NRAP: variants seen among roughly 807,000 people sequenced by gnomAD.
The protein encoded by NRAP is nebulin related anchoring protein.
A neutral mutation model predicts 225.9 loss-of-function variants in NRAP; 189 were observed. The ratio of observed to expected loss-of-function variants is 0.84; its 90% CI spans 0.74 to 0.94. The LOEUF is 0.94. NRAP is among the 40% of genes least tolerant of loss of function. The pLI is 0.00. For missense variants in NRAP, 2,176 were observed against 2,168.7 expected (o/e 1.00, Z -0.07); for synonymous variants, 769 against 790.7 (o/e 0.97, Z 0.46).
At chr10:113,647,268 T>G (rs1395839771) in intron 9 of NRAP, among the ~76,000 whole-genome samples, 1 of 152,116 alleles carries the variant, frequency 6.6e-6, no homozygotes, top group East Asian at 1.9e-4. Context: ...ATGATCATCA[T>G]CCTTATTTCC....
chr10:113,590,046 T>C (rs1845864938), intron 40 of NRAP, among the ~76,000 whole-genome samples: 1 of 152,110 alleles, frequency 6.6e-6, no homozygotes, highest in African/African-American at 2.4e-5. Context: ...AAAGTTACAG[T>C]TGGGAGTGGG....
chr10:113,653,619 G>C (rs1423933606), intron 5 of NRAP, among the ~76,000 whole-genome samples: 2 of 152,196 alleles, frequency 1.3e-5, no homozygotes, highest in Non-Finnish European at 2.9e-5. Flanking sequence ...AGCGTAACCT[G>C]TGCAAATGAT....
chr10:113,663,480 C>T (rs1469704863), intron 1 of NRAP, 34 bp from the exon 2 acceptor site: 1 of 1,271,788 alleles, frequency 7.9e-7, no homozygotes, highest in Admixed American at 1.7e-5. Context: ...TAGCAATTAC[C>T]CTTTTCCCCC....
At chr10:113,615,926 G>A in intron 26 of NRAP, 110 bp from the exon 27 acceptor site, 1 of 704,470 alleles carries the variant, frequency 1.4e-6, no homozygotes, top group Non-Finnish European at 2.6e-6. Flanking sequence ...TCCTCATAGA[G>A]ACATGATTTC....
chr10:113,590,542 G>C, intron 40 of NRAP, 36 bp downstream of exon 40: 1 of 1,583,982 alleles, frequency 6.3e-7, no homozygotes, highest in South Asian at 1.1e-5. Flanking sequence ...AGGCACCAGG[G>C]GAAGGGCCTC....
Position 113,640,219 on chromosome 10 carries a change from G to C in NRAP, c.1428+8C>G, listed in dbSNP as rs772269252. 3 of 1,538,426 alleles carry C rather than the reference G, an allele frequency of 2.0e-6. No individual in the cohort carries two copies. Among genetic ancestry groups the C allele is most frequent in the Admixed American group, 1.8e-5 (1 of 55,860 alleles). On this transcript the variant is annotated splice_region_variant and intron_variant, in intron 14 of 41. Transcript: ENST00000359988. ...CAAAGCAGAAAGAGCTGTTGGAAAA[G>C]AACTTACATCTTTCAAGGGCACCAG...
At position 113,662,683 on chromosome 10, in the gene NRAP, C is replaced by A. The variant is rs145242709; in HGVS notation, c.251G>T (p.Ser84Ile). Reference protein sequence around the residue: ...LNVRTFPEAISGIHDQEDGEQ... With the variant: ...LNVRTFPEAIIGIHDQEDGEQ... ...ACTGAAAATTAAATAACTTACCCCACTGATGGCCTCTGGAAATGTCCTCAC... is the reference window on the plus strand; with the variant it reads ...ACTGAAAATTAAATAACTTACCCCAATGATGGCCTCTGGAAATGTCCTCAC... Residue 84 changes from serine (S) to isoleucine (I), a missense_variant, in exon 3 of 42, where the codon AGT (serine) becomes ATT (isoleucine). Physicochemically the swap from Ser to Ile is moderately radical, Grantham distance 142 (BLOSUM62 -2). Around this residue, in one of 3 missense-constraint regions of NRAP, gnomAD observed 1,708 missense variants for 1,695.5 expected, o/e 1.01. Coordinates refer to ENST00000359988, the MANE Select transcript of NRAP (RefSeq NM_198060.4). 562 of 1,532,054 alleles carry A rather than the reference C, an allele frequency of 3.7e-4. 4 individuals are homozygous for A. Among genetic ancestry groups the A allele is most frequent in the Middle Eastern group, 2.7e-3 (16 of 5,924 alleles). 94.9% of individuals were successfully genotyped at this position (1,532,054 alleles called of 1,614,324 possible). A position where few individuals can be genotyped will look rare whatever the true frequency, so the allele number is the denominator to read the frequency against.
chr10:113,631,828 C>T (rs1472369339), intron 17 of NRAP, 29 bp downstream of exon 17: 1 of 1,361,048 alleles, frequency 7.3e-7, no homozygotes, highest in Admixed American at 1.7e-5. Flanking sequence ...ATTTCTTATG[C>T]ATTCCTGAGT....
At chr10:113,625,936 A>T in intron 21 of NRAP, 111 bp downstream of exon 21, 1 of 659,680 alleles carries the variant, frequency 1.5e-6, no homozygotes, top group Non-Finnish European at 2.5e-6. Flanking sequence ...ATTTAGAGGG[A>T]AGGCTCTTTG....
intron 30 of NRAP, 25 bp from the exon 31 acceptor site, chr10:113,610,588 A>C: frequency 2.8e-6 from 4 of 1,439,608 alleles, no homozygotes; most frequent in Non-Finnish European, 3.9e-6. Flanking sequence ...AAATACAAAG[A>C]ATCAGAAAAG....
chr10:113,614,248 A>G lies in NRAP; in HGVS notation c.3235T>C (p.Ser1079Pro). The change falls in exon 29 of 42, where the codon TCC becomes CCC. Residue 1079 changes from serine (S) to proline (P), a missense_variant. By Grantham distance (74) the Ser-to-Pro change is moderately conservative (BLOSUM62 -1). This residue lies in a region of NRAP where 1,708 missense variants were observed against 1,695.5 expected (regional missense o/e 1.01). Coordinates refer to ENST00000359988, the MANE Select transcript of NRAP (RefSeq NM_198060.4). ...FEKMKGQMLG[S>P]RSLEDDISLA... ...CTGATATCATCTTCCAAGCTCCGGG[A>G]ACCAAGCATCTGTCCTTTCATTTTC... 6.2e-7 allele frequency: 1 copy of G among 1,614,102 alleles called. No individual in the cohort carries two copies. The highest frequency in any genetic ancestry group is 2.2e-5 in the East Asian group (1 of 44,880).
At chr10:113,660,406 C>A (rs907874622) in intron 3 of NRAP, among the ~76,000 whole-genome samples, 1 of 152,044 alleles carries the variant, frequency 6.6e-6, no homozygotes, top group African/African-American at 2.4e-5. Flanking sequence ...CACACATATA[C>A]GCTGTCACAT....
rs1849468380 is a variant in NRAP, at chr10:113,645,811, T to C, written c.1110+14A>G. 7.8e-7 allele frequency: 1 copy of C among 1,286,144 alleles called. No homozygotes were observed. Among genetic ancestry groups the C allele is most frequent in the South Asian group, 1.2e-5 (1 of 81,274 alleles). 79.7% of individuals were successfully genotyped at this position (1,286,144 alleles called of 1,614,324 possible). ...AGGTGATGCTCATGGGTGTGACTCT[T>C]CCCCCATACGCACCTCACTCACGAG... On this transcript the variant is annotated intron_variant, in intron 11 of 41. Coordinates refer to ENST00000359988, the MANE Select transcript of NRAP (RefSeq NM_198060.4).
At position 113,662,764 on chromosome 10, in the gene NRAP, T is replaced by C. The variant is rs1850761624; in HGVS notation, c.170A>G (p.His57Arg). The change falls in exon 3 of 42, where the codon CAT becomes CGT. Residue 57 changes from histidine to arginine, a missense_variant and splice_region_variant. Around this residue, in one of 3 missense-constraint regions of NRAP, gnomAD observed 1,708 missense variants for 1,695.5 expected, o/e 1.01. Coordinates refer to ENST00000359988, the MANE Select transcript of NRAP (RefSeq NM_198060.4). ...SHQKKPYCHAHNPKNNTFTSV... is the reference protein window; with the variant it reads ...SHQKKPYCHARNPKNNTFTSV... ...GGTGAAAGTGTTGTTCTTAGGGTTATGGCTACAACAAATAGGTATAAATCA... is the reference window on the plus strand; with the variant it reads ...GGTGAAAGTGTTGTTCTTAGGGTTACGGCTACAACAAATAGGTATAAATCA... 6.5e-7 allele frequency: 1 copy of C among 1,549,602 alleles called. No individual in the cohort carries two copies.
chr10:113,598,071 C>T lies in NRAP; in HGVS notation c.4230G>A (p.Leu1410=), dbSNP rs1046849245. ...TGCCGATCAGGTCTGACTTGTAGCG[C>T]AACTGCAGGGAAAAAAATCATGGGC... is the stretch of plus-strand genomic sequence containing the variant. ...AKKAHALQSE[L]RYKSDLIGMK... The change falls in exon 36 of 42, where the codon TTG becomes TTA. Residue 1410 remains leucine, a splice_region_variant and synonymous_variant. Transcript: ENST00000359988. 1.2e-6 allele frequency: 2 copies of T among 1,608,682 alleles called. No individual in the cohort carries two copies. The highest frequency in any genetic ancestry group is 2.7e-5 in the African/African-American group (2 of 74,572).
chr10:113,625,923 C>G (rs573667623), intron 21 of NRAP, 124 bp downstream of exon 21: 4 of 612,288 alleles, frequency 6.5e-6, no homozygotes, highest in Non-Finnish European at 1.1e-5. Flanking sequence ...CTGGGTCCAG[C>G]CTATTTAGAG....
At chr10:113,650,975 G>C (rs1849928119) in intron 7 of NRAP, among the ~76,000 whole-genome samples, 1 of 152,230 alleles carries the variant, frequency 6.6e-6, no homozygotes, top group Non-Finnish European at 1.5e-5. Flanking sequence ...CTAAGTTCTT[G>C]ATCTTATTAT....
Position 113,597,070 on chromosome 10 carries a change from A to G in NRAP, c.4431+16T>C, listed in dbSNP as rs1292979837. 6.4e-7 allele frequency: 1 copy of G among 1,564,150 alleles called. No individual in the cohort carries two copies. Among genetic ancestry groups the G allele is most frequent in the East Asian group, 2.2e-5 (1 of 44,624 alleles). ...CTACACTGCATGCCCGGGATGAATG[A>G]CAAGAAAGGACCCACCTCATTGCAG... On this transcript the variant is annotated intron_variant, in intron 37 of 41. Transcript: ENST00000359988.
chr10:113,655,142 A>T (rs1850228006), intron 4 of NRAP, among the ~76,000 whole-genome samples: 1 of 152,232 alleles, frequency 6.6e-6, no homozygotes, highest in African/African-American at 2.4e-5. Flanking sequence ...AACAAGATGC[A>T]GATTGTCCAA....
Sources: gnomAD v4.1 joint callset for allele counts (sites outside exome capture counted in the v4.1 genomes callset) on GRCh38, gnomAD v4.1.1 for gene constraint, gnomAD v4.1.1 regional missense constraint, MANE v1.5 for transcripts, NCBI Gene and HGNC (gene_info 2026-07-23, HGNC 2026-07-21) for gene names.